FNDC3A: variants seen among roughly 807,000 people sequenced by gnomAD.
The protein encoded by FNDC3A is fibronectin type III domain containing 3A, also known as fibronectin type-III domain-containing protein 3A.
FNDC3A carries 32 observed loss-of-function variants against 148.9 expected under a neutral mutation model. The observed-to-expected ratio is 0.21, with a 90% CI of 0.16 to 0.29. The LOEUF (loss-of-function observed/expected upper bound fraction) is 0.29, where lower values mean the gene tolerates loss of function less well. Ranked by LOEUF, FNDC3A falls within the 10% of genes least tolerant of loss-of-function variation. FNDC3A has a pLI of 1.00. For missense variants in FNDC3A, 1,191 were observed against 1,452.8 expected (o/e 0.82, Z 2.93); for synonymous variants, 472 against 473.6 (o/e 1.00, Z 0.04).
intron 3 of FNDC3A, among the ~76,000 whole-genome samples, chr13:49,081,968 C>CTT (rs11332071): frequency 4.4e-4 from 64 of 144,578 alleles, no homozygotes; most frequent in African/African-American, 1.6e-3. Flanking sequence ...AAATCAGTAC[C>CTT]TTTTTTTTTT....
rs1195113042 is a variant in FNDC3A at position 49,207,907 on chromosome 13, G to GTAAC, written c.*514_*517dup. 1 of 152,640 alleles carries GTAAC rather than the reference G, an allele frequency of 6.6e-6. No individual in the cohort carries two copies. The highest frequency in any genetic ancestry group is 1.9e-4 in the East Asian group (1 of 5,200). 9.5% of individuals were successfully genotyped at this position (152,640 alleles called of 1,614,324 possible). A position where few individuals can be genotyped will look rare whatever the true frequency, so the allele number is the denominator to read the frequency against. On this transcript the variant is annotated 3_prime_UTR_variant, in exon 26 of 26. Transcript: ENST00000492622. Reference sequence around the variant, plus strand: ...TATTTGGTAAGTGGGATTATGATGAGTAACTGGAGGGGCTTAGAAACAAAA... The same window carrying GTAAC: ...TATTTGGTAAGTGGGATTATGATGAGTAACTAACTGGAGGGGCTTAGAAACAAAA...
intron 2 of FNDC3A, among the ~76,000 whole-genome samples, chr13:49,049,733 T>G (rs1875693411): frequency 6.6e-6 from 1 of 151,974 alleles, no homozygotes; most frequent in Non-Finnish European, 1.5e-5. Context: ...CTTTTTTCTT[T>G]TTTTGAGATG....
At chr13:49,168,300 A>T (rs559075382) in intron 9 of FNDC3A, among the ~76,000 whole-genome samples, 2 of 152,288 alleles carry the variant, frequency 1.3e-5, no homozygotes, top group Non-Finnish European at 2.9e-5. Context: ...AGCATTTTTT[A>T]AAAAAGAGAA....
At chr13:49,092,789 C>T (rs989948863) in intron 3 of FNDC3A, among the ~76,000 whole-genome samples, 1 of 149,244 alleles carries the variant, frequency 6.7e-6, no homozygotes, top group East Asian at 2.0e-4. Context: ...TCCTTAATTT[C>T]TTGTAATATA....
At position 49,046,516 on chromosome 13, in the gene FNDC3A, C is replaced by T. The variant is rs534057864; in HGVS notation, c.100-28773C>T. Reference sequence around the variant, plus strand: ...CCTTTCTAAGACTTGAACTTTTATCCATGTTTCAACTTCAGTTATCTTCTG... The same window carrying T: ...CCTTTCTAAGACTTGAACTTTTATCTATGTTTCAACTTCAGTTATCTTCTG... On this transcript the variant is annotated intron_variant, in intron 2 of 25. Transcript: ENST00000492622. The T allele has an allele frequency of 5.2e-4, 85 of 161,926 alleles. 2 individuals carry two copies. The South Asian group carries it at 0.015, about 28-fold the overall frequency. The allele number at this position is 161,926 out of a possible 1,614,324, so 10.0% of individuals were successfully genotyped here.
intron 4 of FNDC3A, among the ~76,000 whole-genome samples, chr13:49,126,532 A>T (rs1881711277): frequency 6.6e-6 from 1 of 152,186 alleles, no homozygotes; most frequent in African/African-American, 2.4e-5. Context: ...TTTCATAAAT[A>T]ATTTAGCCAT....
intron 14 of FNDC3A, among the ~76,000 whole-genome samples, chr13:49,184,016 A>G (rs990341316): frequency 2.6e-5 from 4 of 152,218 alleles, no homozygotes; most frequent in Non-Finnish European, 5.9e-5. Context: ...GGTAAGTGCA[A>G]TGCAGGTTAA....
chr13:49,018,068 C>A (rs1016003528), intron 2 of FNDC3A, among the ~76,000 whole-genome samples: 1 of 151,652 alleles, frequency 6.6e-6, no homozygotes, highest in African/African-American at 2.4e-5. Flanking sequence ...GTGAATCTGA[C>A]AATTATGTGT....
chr13:49,024,984 T>A (rs1444591741), intron 2 of FNDC3A, among the ~76,000 whole-genome samples: 1 of 152,096 alleles, frequency 6.6e-6, no homozygotes, highest in East Asian at 1.9e-4. Context: ...CTACTGTTAT[T>A]TTCTTCAGTG....
rs535571156 is a variant in FNDC3A at position 49,073,628 on chromosome 13, T to C, written c.100-1661T>C. Among the ~76,000 whole-genome samples, 7 of 150,114 alleles carry C rather than the reference T, an allele frequency of 4.7e-5. No individual in the cohort carries two copies. In the East Asian group the frequency reaches 1.2e-3, roughly 25 times the overall value. On this transcript the variant is annotated intron_variant, in intron 2 of 25. Coordinates refer to ENST00000492622, the MANE Select transcript of FNDC3A (RefSeq NM_001079673.2). ...CATAAATGATTTTTGTGTTTAGACT[T>C]GGGTCTTATCCCCAAGATATCTCAT...
intron 4 of FNDC3A, among the ~76,000 whole-genome samples, chr13:49,128,470 C>T (rs1881838101): frequency 6.6e-6 from 1 of 152,066 alleles, no homozygotes; most frequent in Middle Eastern, 3.2e-3. Flanking sequence ...TATTCCGGGC[C>T]TCTCTACTTT....
chr13:49,170,902 A>C (rs1884721347), intron 10 of FNDC3A, among the ~76,000 whole-genome samples: 2 of 152,168 alleles, frequency 1.3e-5, no homozygotes, highest in Admixed American at 6.5e-5. Flanking sequence ...AGACCTCAGC[A>C]ACTAGACTAG....
intron 10 of FNDC3A, among the ~76,000 whole-genome samples, chr13:49,168,963 T>A (rs1884623051): frequency 6.6e-6 from 1 of 152,232 alleles, no homozygotes; most frequent in African/African-American, 2.4e-5. Flanking sequence ...GATTTGTAAT[T>A]AACAGTCCTT....
At chr13:49,059,599 G>GCACCTGC (rs1427219306) in intron 2 of FNDC3A, among the ~76,000 whole-genome samples, 2 of 152,118 alleles carry the variant, frequency 1.3e-5, no homozygotes, top group Non-Finnish European at 2.9e-5. Context: ...GGGATTACAG[G>GCACCTGC]CACCTGCCAC....
chr13:49,096,615 A>G (rs918840240), intron 3 of FNDC3A, among the ~76,000 whole-genome samples: 2 of 152,176 alleles, frequency 1.3e-5, no homozygotes, highest in African/African-American at 4.8e-5. Context: ...CAGAAAACAC[A>G]GTCACTGAAT....
At chr13:49,072,375 A>C (rs1032388076) in intron 2 of FNDC3A, among the ~76,000 whole-genome samples, 1 of 152,148 alleles carries the variant, frequency 6.6e-6, no homozygotes, top group Non-Finnish European at 1.5e-5. Context: ...AGTGAGAGTT[A>C]AAAAGTTAAA....
intron 1 of FNDC3A, among the ~76,000 whole-genome samples, chr13:48,985,636 A>G (rs771626104): frequency 2.0e-5 from 3 of 152,212 alleles, no homozygotes; most frequent in Non-Finnish European, 4.4e-5. Context: ...TACATACACA[A>G]AGACACAATT....
At position 49,207,270 on chromosome 13, in the gene FNDC3A, A is replaced by C; in HGVS notation, c.3472A>C (p.Thr1158Pro). 1 of 1,614,208 alleles carries C rather than the reference A, an allele frequency of 6.2e-7. No individual in the cohort carries two copies. The highest frequency in any genetic ancestry group is 1.1e-5 in the South Asian group (1 of 91,086). The change falls in exon 26 of 26, where the codon ACT (threonine) becomes CCT (proline). Residue 1158 changes from threonine to proline, a missense_variant. Physicochemically the swap from Thr to Pro is conservative, Grantham distance 38. This residue lies in a region of FNDC3A where 751 missense variants were observed against 944.0 expected (regional missense o/e 0.80). Coordinates refer to ENST00000492622, the MANE Select transcript of FNDC3A (RefSeq NM_001079673.2). Reference protein sequence around the residue: ...TEPPASTNRDTVESTRTRRAL... With the variant: ...TEPPASTNRDPVESTRTRRAL... ...ACCACCAGCCAGCACCAACAGAGAC[A>C]CTGTGGAAAGCACAAGGACCCGACG...
chr13:49,083,526 G>T (rs1424831300), intron 3 of FNDC3A, among the ~76,000 whole-genome samples: 1 of 152,124 alleles, frequency 6.6e-6, no homozygotes, highest in Non-Finnish European at 1.5e-5. Context: ...TGACAAACTG[G>T]GATTGTCCCA....
Sources: gnomAD v4.1 joint callset for allele counts (sites outside exome capture counted in the v4.1 genomes callset) on GRCh38, gnomAD v4.1.1 for gene constraint, gnomAD v4.1.1 regional missense constraint, MANE v1.5 for transcripts, NCBI Gene and HGNC (gene_info 2026-07-23, HGNC 2026-07-21) for gene names.